Variants in FOXP2 observed in about 807,000 individuals in gnomAD.
FOXP2 encodes the protein forkhead box protein P2.
A neutral mutation model predicts 115.8 loss-of-function variants in FOXP2; 12 were observed. The ratio of observed to expected loss-of-function variants is 0.10; its 90% confidence interval spans 0.07 to 0.17. The LOEUF is 0.17. Among genes scored for constraint, FOXP2 ranks in the 10% least tolerant of loss-of-function variants. The pLI, the probability that FOXP2 is intolerant of heterozygous loss-of-function variation, is 1.00. For missense variants in FOXP2, 629 were observed against 843.5 expected (o/e 0.75, Z 3.15); for synonymous variants, 328 against 297.7 (o/e 1.10, Z -1.05).
chr7:114,239,621 T>C (rs1309232377), intron 1 of FOXP2, among the ~76,000 whole-genome samples: 1 of 152,150 alleles, frequency 6.6e-6, no homozygotes, highest in East Asian at 1.9e-4. Context: ...ATGTGAATGC[T>C]AGATAGAATT....
At chr7:114,456,675 G>A (rs1257288750) in intron 2 of FOXP2, among the ~76,000 whole-genome samples, 4 of 152,098 alleles carry the variant, frequency 2.6e-5, no homozygotes, top group Non-Finnish European at 5.9e-5. Context: ...AAGGAAATTA[G>A]CATGTGGAAT....
intron 1 of FOXP2, among the ~76,000 whole-genome samples, chr7:114,264,683 A>G (rs12112522): frequency 0.041 from 6,294 of 152,190 alleles, 320 homozygotes; most frequent in African/African-American, 0.12. Context: ...AGACTGAGCA[A>G]TTTATAAAGA....
intron 3 of FOXP2, among the ~76,000 whole-genome samples, chr7:114,566,808 C>A (rs1801047380): frequency 6.6e-6 from 1 of 151,766 alleles, no homozygotes; most frequent in African/African-American, 2.4e-5. Flanking sequence ...CAACCAACCT[C>A]AAGAAACAAG....
At chr7:114,491,302 T>G (rs1172958707) in intron 2 of FOXP2, among the ~76,000 whole-genome samples, 1 of 152,260 alleles carries the variant, frequency 6.6e-6, no homozygotes, top group Non-Finnish European at 1.5e-5. Flanking sequence ...CATAAATGTC[T>G]TCTTTGGAGA....
intron 3 of FOXP2, among the ~76,000 whole-genome samples, chr7:114,579,379 A>G (rs1031699953): frequency 7.2e-5 from 11 of 152,352 alleles, no homozygotes; most frequent in Non-Finnish European, 8.8e-5. Context: ...CAGAGGTTAC[A>G]GAATTCTTTC....
chr7:114,339,390 T>C (rs1791145317), intron 2 of FOXP2, among the ~76,000 whole-genome samples: 3 of 151,266 alleles, frequency 2.0e-5, no homozygotes, highest in Non-Finnish European at 4.5e-5. Context: ...GTAATGAATA[T>C]AATTAGTGTT....
At chr7:114,420,332 A>G (rs1047629305) in intron 1 of FOXP2, among the ~76,000 whole-genome samples, 1 of 151,894 alleles carries the variant, frequency 6.6e-6, no homozygotes, top group Non-Finnish European at 1.5e-5. Flanking sequence ...CTTTTTAAAT[A>G]AAAAAGAGGG....
chr7:114,454,108 C>T (rs1031953618), intron 2 of FOXP2, among the ~76,000 whole-genome samples: 1 of 149,950 alleles, frequency 6.7e-6, no homozygotes, highest in African/African-American at 2.4e-5. Context: ...AAAATTTTCG[C>T]AACCTACTCA....
intron 3 of FOXP2, among the ~76,000 whole-genome samples, chr7:114,566,271 A>T (rs1398814005): frequency 6.6e-6 from 1 of 152,052 alleles, no homozygotes; most frequent in Non-Finnish European, 1.5e-5. Context: ...TCATTTTTTC[A>T]CTTTTAAAAT....
At chr7:114,319,971 C>G (rs2129181309) in intron 2 of FOXP2, among the ~76,000 whole-genome samples, 1 of 152,236 alleles carries the variant, frequency 6.6e-6, no homozygotes, top group African/African-American at 2.4e-5. Context: ...CCTGGGAAAT[C>G]TACTCATTGT....
chr7:114,098,596 G>A (rs1386607049), intron 1 of FOXP2, among the ~76,000 whole-genome samples: 2 of 152,178 alleles, frequency 1.3e-5, no homozygotes, highest in African/African-American at 2.4e-5. Context: ...AGACCTACAT[G>A]TAGGACTAGA....
intron 2 of FOXP2, among the ~76,000 whole-genome samples, chr7:114,378,522 A>G (rs1792196505): frequency 6.6e-6 from 1 of 151,694 alleles, no homozygotes; most frequent in Non-Finnish European, 1.5e-5. Flanking sequence ...TCTCTCTACA[A>G]AAAATCTAAA....
At chr7:114,470,851 G>A (rs991294646) in intron 2 of FOXP2, among the ~76,000 whole-genome samples, 15 of 151,686 alleles carry the variant, frequency 9.9e-5, no homozygotes, top group Non-Finnish European at 1.9e-4. Context: ...AAGGGGGAGA[G>A]CATTTCCCTT....
chr7:114,646,060 TAAAAA>T (rs57137258), intron 8 of FOXP2, among the ~76,000 whole-genome samples: 16 of 85,658 alleles, frequency 1.9e-4, no homozygotes, highest in African/African-American at 5.6e-4. Flanking sequence ...TTTTCTTCTC[TAAAAA>T]AAAAAAAAAA....
chr7:114,661,974 T>G (rs1376844376), intron 13 of FOXP2, 91 bp from the exon 14 acceptor site: 5 of 1,507,190 alleles, frequency 3.3e-6, no homozygotes, highest in Non-Finnish European at 4.6e-6. Context: ...TTTTTCACTC[T>G]GATTAAGTAA....
At chr7:114,524,531 A>T (rs546025171) in intron 2 of FOXP2, among the ~76,000 whole-genome samples, 2 of 152,202 alleles carry the variant, frequency 1.3e-5, no homozygotes, top group East Asian at 3.9e-4. Flanking sequence ...AGTTGTTCAG[A>T]TCTCTTATGC....
intron 2 of FOXP2, among the ~76,000 whole-genome samples, chr7:114,508,033 T>C (rs980696180): frequency 1.3e-5 from 2 of 151,924 alleles, no homozygotes; most frequent in Non-Finnish European, 2.9e-5. Context: ...TCCTAGGTGA[T>C]AGAAATGCAA....
chr7:114,522,105 T>C (rs912755870), intron 2 of FOXP2, among the ~76,000 whole-genome samples: 6 of 152,204 alleles, frequency 3.9e-5, no homozygotes, highest in Admixed American at 1.3e-4. Flanking sequence ...CAATAGTAGA[T>C]GTTAAGGGAA....
intron 16 of FOXP2, among the ~76,000 whole-genome samples, chr7:114,682,552 T>C (rs1808141923): frequency 6.6e-6 from 1 of 152,134 alleles, no homozygotes; most frequent in South Asian, 2.1e-4. Context: ...TATCCTATGG[T>C]AGTGTAACAC....
Sources: gnomAD v4.1 joint callset for allele counts (sites outside exome capture counted in the v4.1 genomes callset) on GRCh38, gnomAD v4.1.1 for gene constraint, MANE v1.5 for transcripts, NCBI Gene and HGNC (gene_info 2026-07-23, HGNC 2026-07-21) for gene names.